The following KCNH1 variants were observed in gnomAD, a reference collection of about 807,000 sequenced individuals.
The protein encoded by KCNH1 is potassium voltage-gated channel subfamily H member 1, also known as voltage-gated delayed rectifier potassium channel KCNH1.
In KCNH1, 27 loss-of-function variants were observed where a neutral mutation model predicts 69.2. The ratio of observed to expected loss-of-function variants is 0.39; its 90% CI spans 0.29 to 0.54. The LOEUF is 0.54. Ranked by LOEUF, KCNH1 falls within the 20% of genes least tolerant of loss-of-function variation. The probability of loss-of-function intolerance (pLI) is 0.68; values close to 1 mark genes in which losing one functional copy is unlikely to be tolerated. For synonymous variants in KCNH1, 456 were observed against 487.7 expected, an observed-to-expected ratio of 0.93 and a Z score of 0.86; for missense variants, 798 against 1,261.6, an observed-to-expected ratio of 0.63 and a Z score of 5.57.
chr1:210,775,103 C>T (rs969624408), intron 10 of KCNH1, among the ~76,000 whole-genome samples: 8 of 152,176 alleles, frequency 5.3e-5, no homozygotes, highest in African/African-American at 1.7e-4. Context: ...AGCCACCTCC[C>T]TGCCCCCTCC....
chr1:211,132,179 T>C (rs962269866), intron 1 of KCNH1, among the ~76,000 whole-genome samples: 8 of 152,348 alleles, frequency 5.3e-5, no homozygotes, highest in Admixed American at 1.3e-4. Flanking sequence ...AGAATTGTCA[T>C]TGATATTTAT....
intron 9 of KCNH1, among the ~76,000 whole-genome samples, chr1:210,789,113 T>C (rs1003232419): frequency 6.6e-6 from 1 of 152,204 alleles, no homozygotes; most frequent in African/African-American, 2.4e-5. Context: ...CTTCTCCCTC[T>C]GTGCTAAGCA....
At chr1:211,056,916 C>T (rs1690319612) in intron 5 of KCNH1, among the ~76,000 whole-genome samples, 1 of 152,108 alleles carries the variant, frequency 6.6e-6, no homozygotes, top group African/African-American at 2.4e-5. Flanking sequence ...GGAAAGCCCT[C>T]CCAAGAAAGA....
chr1:210,891,993 A>T (rs1686759232), intron 7 of KCNH1, among the ~76,000 whole-genome samples: 1 of 152,174 alleles, frequency 6.6e-6, no homozygotes, highest in African/African-American at 2.4e-5. Flanking sequence ...GTTCTCACTC[A>T]TAAGTGGGAG....
At chr1:210,744,870 C>T (rs981476784) in intron 10 of KCNH1, among the ~76,000 whole-genome samples, 1 of 152,028 alleles carries the variant, frequency 6.6e-6, no homozygotes, top group Admixed American at 6.6e-5. Context: ...CAAAGCTACC[C>T]TGAGATGTAA....
intron 6 of KCNH1, among the ~76,000 whole-genome samples, chr1:210,943,081 G>GA (rs1368867199): frequency 1.3e-5 from 2 of 152,138 alleles, no homozygotes; most frequent in Admixed American, 6.5e-5. Context: ...CTATCCTATG[G>GA]AAAAAAATGC....
Position 210,711,528 on chromosome 1 carries a change from C to G in KCNH1, c.2113-27390G>C, listed in dbSNP as rs998032681. ...CCTCTGAGGTGTCTTACATGCTGTT[C>G]CTTTGACCTGAGTTGCCTTTCCTCC... On this transcript the variant is annotated intron_variant, in intron 10 of 10. Transcript: ENST00000271751. Among the ~76,000 whole-genome samples, 3 of 152,292 alleles carry G rather than the reference C, an allele frequency of 2.0e-5. No individual in the cohort carries two copies. In the South Asian group the frequency reaches 6.2e-4, roughly 32 times the overall value.
At chr1:210,937,046 T>C (rs929571933) in intron 6 of KCNH1, among the ~76,000 whole-genome samples, 2 of 152,172 alleles carry the variant, frequency 1.3e-5, no homozygotes, top group African/African-American at 2.4e-5. Context: ...AATACTCTCC[T>C]CCCACCACTC....
At chr1:210,922,339 G>A (rs147354517) in intron 6 of KCNH1, among the ~76,000 whole-genome samples, 3,591 of 142,588 alleles carry the variant, frequency 0.025, 69 homozygotes, top group Non-Finnish European at 0.037. Context: ...AGCTGAGATC[G>A]TGCCACTGCA....
At chr1:210,881,263 A>C (rs982985536) in intron 7 of KCNH1, among the ~76,000 whole-genome samples, 4 of 152,168 alleles carry the variant, frequency 2.6e-5, no homozygotes, top group Non-Finnish European at 5.9e-5. Flanking sequence ...TTGGCTTCCC[A>C]AAGTGCTGGG....
intron 10 of KCNH1, among the ~76,000 whole-genome samples, chr1:210,695,865 G>A (rs1681628643): frequency 6.6e-6 from 1 of 152,224 alleles, no homozygotes; most frequent in Non-Finnish European, 1.5e-5. Context: ...GCACTGGCCA[G>A]TCAGTTACCC....
chr1:211,074,401 A>C (rs1335474674), intron 5 of KCNH1, among the ~76,000 whole-genome samples: 1 of 152,098 alleles, frequency 6.6e-6, no homozygotes, highest in Non-Finnish European at 1.5e-5. Context: ...TTTGAATTAC[A>C]GGATAGGAAG....
At chr1:210,761,387 A>G (rs1683518110) in intron 10 of KCNH1, among the ~76,000 whole-genome samples, 1 of 152,132 alleles carries the variant, frequency 6.6e-6, no homozygotes, top group Non-Finnish European at 1.5e-5. Flanking sequence ...AAAATCTCAC[A>G]AAGCAACATT....
At chr1:210,691,232 A>G (rs530911472) in intron 10 of KCNH1, among the ~76,000 whole-genome samples, 17 of 152,326 alleles carry the variant, frequency 1.1e-4, no homozygotes, top group African/African-American at 4.1e-4. Flanking sequence ...AGGGTGTTCC[A>G]AACAGGGAAC....
At chr1:211,079,172 G>A (rs902230098) in intron 5 of KCNH1, among the ~76,000 whole-genome samples, 1 of 152,124 alleles carries the variant, frequency 6.6e-6, no homozygotes, top group Non-Finnish European at 1.5e-5. Context: ...ACTACCATCA[G>A]AGAAAACTAT....
intron 7 of KCNH1, among the ~76,000 whole-genome samples, chr1:210,874,128 A>T (rs894917923): frequency 3.9e-5 from 6 of 152,216 alleles, no homozygotes; most frequent in Admixed American, 3.3e-4. Flanking sequence ...AGTCAAAGAA[A>T]AAAAAAGTCT....
At chr1:210,772,294 C>T (rs1287295817) in intron 10 of KCNH1, among the ~76,000 whole-genome samples, 2 of 152,134 alleles carry the variant, frequency 1.3e-5, no homozygotes, top group African/African-American at 4.8e-5. Flanking sequence ...ATGTCAAAGG[C>T]ACTGTGTTGT....
At chr1:211,049,473 G>C in intron 5 of KCNH1, among the ~76,000 whole-genome samples, 1 of 152,158 alleles carries the variant, frequency 6.6e-6, no homozygotes, top group East Asian at 1.9e-4. Context: ...TGAAACATAG[G>C]GGGTTTTTTG....
At chr1:210,863,539 C>T (rs947370621) in intron 7 of KCNH1, among the ~76,000 whole-genome samples, 3 of 152,158 alleles carry the variant, frequency 2.0e-5, no homozygotes, top group Non-Finnish European at 4.4e-5. Flanking sequence ...ACCACTTTCC[C>T]CCTTGATAAT....
Sources: gnomAD v4.1 joint callset for allele counts (sites outside exome capture counted in the v4.1 genomes callset) on GRCh38, gnomAD v4.1.1 for gene constraint, MANE v1.5 for transcripts, NCBI Gene and HGNC (gene_info 2026-07-23, HGNC 2026-07-21) for gene names.